XRCC4: variants seen among roughly 807,000 people sequenced by gnomAD.
XRCC4 encodes the protein DNA repair protein XRCC4.
Under a neutral mutation model 39.1 loss-of-function variants are expected in XRCC4, and 28 were observed. That is an observed-to-expected ratio of 0.72 (90% confidence interval 0.53 to 0.98). The LOEUF (loss-of-function observed/expected upper bound fraction) is 0.98. XRCC4 is among the 50% of genes least tolerant of loss of function. The pLI is 0.00. For missense variants in XRCC4, 350 were observed against 376.4 expected (o/e 0.93, Z 0.58); for synonymous variants, 123 against 126.4 (o/e 0.97, Z 0.18).
At chr5:83,328,100 A>G (rs1756323395) in intron 7 of XRCC4, among the ~76,000 whole-genome samples, 1 of 152,066 alleles carries the variant, frequency 6.6e-6, no homozygotes. Context: ...CGGGAGGCAA[A>G]AGGCACTTCT....
At chr5:83,348,760 G>A (rs1274333657) in intron 7 of XRCC4, among the ~76,000 whole-genome samples, 1 of 152,172 alleles carries the variant, frequency 6.6e-6, no homozygotes, top group African/African-American at 2.4e-5. Context: ...CTACCATATG[G>A]CTAGGCTGCA....
At chr5:83,195,700 G>A in intron 3 of XRCC4, 70 bp from the exon 4 acceptor site, 1 of 1,349,966 alleles carries the variant, frequency 7.4e-7, no homozygotes, top group Non-Finnish European at 1.0e-6. Flanking sequence ...AAGAAATTGT[G>A]TATGCTTAAA....
At chr5:83,320,906 T>G (rs2121113) in intron 7 of XRCC4, among the ~76,000 whole-genome samples, 23,743 of 148,456 alleles carry the variant, frequency 0.16, 4,612 homozygotes, top group African/African-American at 0.46. Context: ...CTGCCTCCCA[T>G]GTTCAAGCAA....
intron 6 of XRCC4, among the ~76,000 whole-genome samples, chr5:83,228,685 C>A (rs190194933): frequency 2.4e-4 from 36 of 151,812 alleles, no homozygotes; most frequent in African/African-American, 7.7e-4. Context: ...AACATGTAAA[C>A]CTTGGTGGTA....
intron 3 of XRCC4, among the ~76,000 whole-genome samples, chr5:83,184,721 G>A (rs1003506579): frequency 2.0e-5 from 3 of 151,950 alleles, no homozygotes; most frequent in African/African-American, 4.8e-5. Flanking sequence ...CAGAATCTAC[G>A]CAACAGCAAA....
At chr5:83,301,320 C>T (rs1192909532) in intron 7 of XRCC4, among the ~76,000 whole-genome samples, 2 of 152,220 alleles carry the variant, frequency 1.3e-5, no homozygotes, top group East Asian at 3.9e-4. Context: ...TTGCATTTCT[C>T]TAATGCCAGT....
intron 7 of XRCC4, among the ~76,000 whole-genome samples, chr5:83,337,945 A>G (rs1232612543): frequency 6.6e-6 from 1 of 152,214 alleles, no homozygotes. Flanking sequence ...CACAGAAACA[A>G]TAACATAAGA....
chr5:83,299,617 T>C (rs1029639517), intron 7 of XRCC4, among the ~76,000 whole-genome samples: 1 of 152,276 alleles, frequency 6.6e-6, no homozygotes, highest in East Asian at 1.9e-4. Flanking sequence ...GAATTCTCCA[T>C]AATTCTTCTA....
chr5:83,328,907 A>G (rs1756350388), intron 7 of XRCC4, among the ~76,000 whole-genome samples: 1 of 152,074 alleles, frequency 6.6e-6, no homozygotes, highest in Admixed American at 6.6e-5. Flanking sequence ...AATAAAAAAT[A>G]TTATGACAAT....
intron 2 of XRCC4, among the ~76,000 whole-genome samples, chr5:83,107,713 A>C (rs1479945381): frequency 1.3e-5 from 2 of 151,954 alleles, no homozygotes; most frequent in African/African-American, 4.8e-5. Context: ...AGTAGTTTGA[A>C]GTTTATTAAA....
At chr5:83,257,780 A>C (rs895080972) in intron 6 of XRCC4, among the ~76,000 whole-genome samples, 1 of 152,226 alleles carries the variant, frequency 6.6e-6, no homozygotes, top group Non-Finnish European at 1.5e-5. Context: ...AAGACTTGGA[A>C]CCAACCGAAA....
At chr5:83,164,930 A>G (rs770165639) in intron 3 of XRCC4, among the ~76,000 whole-genome samples, 2 of 152,024 alleles carry the variant, frequency 1.3e-5, no homozygotes, top group Non-Finnish European at 2.9e-5. Context: ...TATGAATGCT[A>G]TATTTATTCT....
chr5:83,218,058 T>G (rs1751931370), intron 6 of XRCC4, among the ~76,000 whole-genome samples: 1 of 131,818 alleles, frequency 7.6e-6, no homozygotes, highest in African/African-American at 3.7e-5. Context: ...AGTCTTTACC[T>G]TTTTTATATA....
At chr5:83,182,036 C>T (rs906936820) in intron 3 of XRCC4, among the ~76,000 whole-genome samples, 3 of 152,250 alleles carry the variant, frequency 2.0e-5, no homozygotes, top group African/African-American at 7.2e-5. Context: ...ATAAAAACAA[C>T]TCCCTTTCCC....
intron 7 of XRCC4, among the ~76,000 whole-genome samples, chr5:83,267,019 A>T (rs1753979882): frequency 6.6e-6 from 1 of 152,158 alleles, no homozygotes; most frequent in Non-Finnish European, 1.5e-5. Flanking sequence ...ACTATCTTTA[A>T]TATGTATATG....
At chr5:83,282,639 G>A (rs1454394538) in intron 7 of XRCC4, among the ~76,000 whole-genome samples, 1 of 151,960 alleles carries the variant, frequency 6.6e-6, no homozygotes, top group Non-Finnish European at 1.5e-5. Flanking sequence ...GTCAGAGATC[G>A]AGACCATCCT....
Position 83,143,587 on chromosome 5 carries a change from C to T in XRCC4, c.315+32384C>T, listed in dbSNP as rs545342240. ...CTGTCTGGTATCATTTCATTTTATC[C>T]TGAACAAATTCCTCTAGCATTTCCT... On this transcript the variant is annotated intron_variant, in intron 3 of 7. Transcript: ENST00000396027. Among the ~76,000 whole-genome samples, 8 of 152,086 alleles carry T rather than the reference C, an allele frequency of 5.3e-5. No individual in the cohort carries two copies. In the South Asian group the frequency reaches 1.7e-3, roughly 32 times the overall value.
chr5:83,315,231 C>T (rs1199744284), intron 7 of XRCC4, among the ~76,000 whole-genome samples: 1 of 152,090 alleles, frequency 6.6e-6, no homozygotes, highest in Non-Finnish European at 1.5e-5. Context: ...CCCTAACTCT[C>T]ATCAATTCTG....
rs531565274 is a variant in XRCC4 at position 83,347,543 on chromosome 5, A to G, written c.894-5588A>G. Among the ~76,000 whole-genome samples the G allele has an allele frequency of 4.6e-5, 7 of 152,250 alleles. No individual in the cohort carries two copies. In the East Asian group the frequency reaches 9.7e-4, roughly 21 times the overall value. On this transcript the variant is annotated intron_variant, in intron 7 of 7. Transcript: ENST00000396027. ...GAGATCTCATGAGAACTCACACACT[A>G]TCGTGAGAACAGCAAGGGGGATGTC...
Sources: gnomAD v4.1 joint callset for allele counts (sites outside exome capture counted in the v4.1 genomes callset) on GRCh38, gnomAD v4.1.1 for gene constraint, MANE v1.5 for transcripts, NCBI Gene and HGNC (gene_info 2026-07-23, HGNC 2026-07-21) for gene names.